The following PCDHA6 variants were observed in gnomAD, a reference collection of about 807,000 sequenced individuals.
The protein encoded by PCDHA6 is protocadherin alpha-6.
In PCDHA6, 55 loss-of-function variants were observed where a neutral mutation model predicts 60.3. The ratio of observed to expected loss-of-function variants is 0.91; its 90% CI spans 0.73 to 1.14. The LOEUF (loss-of-function observed/expected upper bound fraction) is 1.14, where lower values mean the gene tolerates loss of function less well. Among genes scored for constraint, PCDHA6 ranks in the 50% most tolerant of loss-of-function variants. The probability of loss-of-function intolerance (pLI) is 0.00; values close to 1 mark genes in which losing one functional copy is unlikely to be tolerated. For synonymous variants in PCDHA6, 652 were observed against 557.9 expected (o/e 1.17, Z -2.38); for missense variants, 1,327 against 1,256.5 (o/e 1.06, Z -0.85).
At chr5:140,836,672 C>G (rs2150267448) in intron 1 of PCDHA6, 2 of 1,613,274 alleles carry the variant, frequency 1.2e-6, no homozygotes, top group Non-Finnish European at 1.7e-6. Context: ...CTGGGGAGGG[C>G]CCACCCAAGA....
intron 1 of PCDHA6, chr5:140,869,867 C>T (rs1554163562): frequency 6.2e-7 from 1 of 1,609,988 alleles, no homozygotes; most frequent in East Asian, 2.2e-5. Flanking sequence ...ATGGAAAATG[C>T]TGCTAAAGAA....
intron 1 of PCDHA6, chr5:140,843,887 A>G: frequency 1.4e-6 from 1 of 705,148 alleles, no homozygotes. Context: ...ATAATACAGT[A>G]TTAATCATTC....
chr5:141,004,014 A>T (rs1294633411), intron 3 of PCDHA6, among the ~76,000 whole-genome samples: 40 of 152,222 alleles, frequency 2.6e-4, no homozygotes, highest in African/African-American at 9.4e-4. Context: ...GGCAGCACTG[A>T]AAGAAGAAAC....
intron 2 of PCDHA6, 36 bp downstream of exon 2, chr5:140,979,043 C>G: frequency 6.2e-7 from 1 of 1,612,500 alleles, no homozygotes. Context: ...CAGAAGTAAC[C>G]TTAACTTGGT....
intron 1 of PCDHA6, among the ~76,000 whole-genome samples, chr5:140,934,797 T>G (rs1045887352): frequency 2.4e-4 from 36 of 152,236 alleles, no homozygotes; most frequent in Admixed American, 1.4e-3. Context: ...CAATTATCTT[T>G]TTAATGATCA....
chr5:140,967,204 G>C, intron 1 of PCDHA6: 10 of 1,613,634 alleles, frequency 6.2e-6, no homozygotes, highest in Non-Finnish European at 8.5e-6. Context: ...ACAACTCACC[G>C]CGTTTCCCGC....
chr5:140,951,667 C>A (rs180768474), intron 1 of PCDHA6, among the ~76,000 whole-genome samples: 10 of 152,274 alleles, frequency 6.6e-5, no homozygotes, highest in African/African-American at 2.4e-4. Context: ...GGCCTGCCTA[C>A]AAAATTGGGG....
intron 1 of PCDHA6, among the ~76,000 whole-genome samples, chr5:140,931,548 G>C (rs2087590460): frequency 6.6e-6 from 1 of 151,968 alleles, no homozygotes; most frequent in African/African-American, 2.4e-5. Flanking sequence ...CTGTTCATAT[G>C]TGCAGGAATA....
rs782242128 is a variant in PCDHA6 at position 140,928,580 on chromosome 5, GT to G, written c.2395-50367del. 100 of 1,614,112 alleles carry G rather than the reference GT, an allele frequency of 6.2e-5. 1 individual carries two copies. The East Asian group carries it at 2.2e-3, about 36-fold the overall frequency. ...ATCTTGTTTCCCTTGCCCAGAAATG[GT>G]TCTGTCCCAGTGGAAATTGTGCCCC... On this transcript the variant is annotated intron_variant, in intron 1 of 3. Transcript: ENST00000529310.
intron 1 of PCDHA6, among the ~76,000 whole-genome samples, chr5:140,964,992 A>G (rs1459979924): frequency 6.6e-6 from 1 of 152,098 alleles, no homozygotes; most frequent in Non-Finnish European, 1.5e-5. Flanking sequence ...CAGGCCTTTG[A>G]ATTCTGGGTG....
chr5:140,850,213 C>G (rs2041430498), intron 1 of PCDHA6: 1 of 1,593,510 alleles, frequency 6.3e-7, no homozygotes, highest in Admixed American at 1.7e-5. Flanking sequence ...ATGAGGGGCA[C>G]TGACGGCGCA....
intron 1 of PCDHA6, chr5:140,884,217 T>C (rs782181432): frequency 6.2e-7 from 1 of 1,613,448 alleles, no homozygotes; most frequent in East Asian, 2.2e-5. Flanking sequence ...CTTCTGGTGC[T>C]GGTGAAGGAC....
rs1171497178 is a variant in PCDHA6, at chr5:140,993,431, C to A, written c.2542+10868C>A. 2.7e-5 allele frequency among the ~76,000 whole-genome samples: 4 copies of A among 149,406 alleles called. No homozygotes were observed. The Admixed American group carries it at 2.7e-4, about 10-fold the overall frequency. On this transcript the variant is annotated intron_variant, in intron 3 of 3. Coordinates refer to ENST00000529310, the MANE Select transcript of PCDHA6 (RefSeq NM_018909.4). ...TCATCAGCATTTCTCTTTTAAAATC[C>A]TTATTCATTCCTGTTCTCCTTCTTT...
rs2150150373 is a variant in PCDHA6 at position 140,828,051 on chromosome 5, C to A, written c.-41C>A. The A allele has an allele frequency of 6.5e-7, 1 of 1,545,276 alleles. No homozygotes were observed. On this transcript the variant is annotated 5_prime_UTR_variant, in exon 1 of 4. Coordinates refer to ENST00000529310, the MANE Select transcript of PCDHA6 (RefSeq NM_018909.4). ...GAACATACAGTATTTTATCTTTATGCGGAAGATCTTCTAATGGAAATAAAA... is the reference window on the plus strand; with the variant it reads ...GAACATACAGTATTTTATCTTTATGAGGAAGATCTTCTAATGGAAATAAAA...
intron 1 of PCDHA6, chr5:140,926,540 T>G: frequency 4.6e-6 from 1 of 215,362 alleles, no homozygotes; most frequent in Non-Finnish European, 9.1e-6. Context: ...GCCAGCGTGG[T>G]GGTCGAGACC....
intron 1 of PCDHA6, among the ~76,000 whole-genome samples, chr5:140,970,865 T>C (rs1255232385): frequency 6.6e-6 from 1 of 152,180 alleles, no homozygotes; most frequent in Non-Finnish European, 1.5e-5. Context: ...CCATTCCTGA[T>C]TGAGAGTAGA....
At chr5:140,858,160 G>T in intron 1 of PCDHA6, 1 of 1,597,718 alleles carries the variant, frequency 6.3e-7, no homozygotes, top group Non-Finnish European at 8.6e-7. Context: ...CCATCTGCGC[G>T]GTGTCCAGCT....
In PCDHA6 at chr5:140,868,951, A is replaced by G; in HGVS notation, c.2394+38466A>G. On this transcript the variant is annotated intron_variant, in intron 1 of 3. Transcript: ENST00000529310. ...TAAAGGTTGGTCTGAACAGTGAGGC[A>G]CTCCCATACAAAGGAACTCCATCAT... 4.5e-6 allele frequency: 6 copies of G among 1,321,586 alleles called. No individual in the cohort carries two copies. The South Asian group carries it at 7.6e-5, about 17-fold the overall frequency. The allele number at this position is 1,321,586 out of a possible 1,614,324, so 81.9% of individuals were successfully genotyped here. A position where few individuals can be genotyped will look rare whatever the true frequency, so the allele number is the denominator to read the frequency against.
chr5:140,857,858 G>T (rs781810921), intron 1 of PCDHA6: 3 of 1,597,852 alleles, frequency 1.9e-6, no homozygotes, highest in South Asian at 1.1e-5. Context: ...TGGATACAAC[G>T]CGTGGCTGTC....
Sources: gnomAD v4.1 joint callset for allele counts (sites outside exome capture counted in the v4.1 genomes callset) on GRCh38, gnomAD v4.1.1 for gene constraint, MANE v1.5 for transcripts, NCBI Gene and HGNC (gene_info 2026-07-23, HGNC 2026-07-21) for gene names.